ELMO1: variants seen among roughly 807,000 people sequenced by gnomAD.
ELMO1 encodes the protein engulfment and cell motility protein 1.
In ELMO1, 26 loss-of-function variants were observed where a neutral mutation model predicts 98.9. The ratio of observed to expected loss-of-function variants is 0.26; its 90% CI spans 0.19 to 0.36. The LOEUF is 0.36. Among genes scored for constraint, ELMO1 ranks in the 10% least tolerant of loss-of-function variants. The probability of loss-of-function intolerance (pLI) is 1.00; values close to 1 mark genes in which losing one functional copy is unlikely to be tolerated. For synonymous variants in ELMO1, 346 were observed against 346.0 expected, an observed-to-expected ratio of 1.00 and a Z score of 0.00; for missense variants, 627 against 935.2, an observed-to-expected ratio of 0.67 and a Z score of 4.30.
In ELMO1 at chr7:37,013,503, G is replaced by C. The variant is rs972379748; in HGVS notation, c.1301-68C>G. 2.6e-6 allele frequency: 4 copies of C among 1,561,498 alleles called. No individual in the cohort carries two copies. The South Asian group carries it at 4.6e-5, about 18-fold the overall frequency. On this transcript the variant is annotated intron_variant, in intron 15 of 21. Transcript: ENST00000310758. Reference sequence around the variant, plus strand: ...AGTGAAACACGAGAACATAACCACAGGTATGTGCCCCAAAGGGAGACAAGC... The same window carrying C: ...AGTGAAACACGAGAACATAACCACACGTATGTGCCCCAAAGGGAGACAAGC...
chr7:37,007,385 C>T (rs893246693), intron 16 of ELMO1, among the ~76,000 whole-genome samples: 6 of 152,202 alleles, frequency 3.9e-5, no homozygotes, highest in Admixed American at 1.3e-4. Flanking sequence ...AGATAAACAA[C>T]GCTGAGTCCT....
rs931534976 is a variant in ELMO1 at position 37,302,735 on chromosome 7, G to C, written c.192+12115C>G. The stretch of plus-strand genomic sequence containing the variant: ...TGGCCTGGAGAAACAGTGAGTATAA[G>C]TAATCATCTCTACTGATAATGAATT... On this transcript the variant is annotated intron_variant, in intron 4 of 21. Transcript: ENST00000310758. Among the ~76,000 whole-genome samples, 8 of 152,156 alleles carry C rather than the reference G, an allele frequency of 5.3e-5. No homozygotes were observed. The South Asian group carries it at 6.2e-4, about 12-fold the overall frequency.
chr7:37,002,999 AGGT>A (rs1792789613), intron 16 of ELMO1, among the ~76,000 whole-genome samples: 1 of 152,210 alleles, frequency 6.6e-6, no homozygotes, highest in Admixed American at 6.5e-5. Flanking sequence ...TTCCTGAGGA[AGGT>A]GGTGGTCCGA....
chr7:37,287,627 A>C (rs2723960), intron 4 of ELMO1, among the ~76,000 whole-genome samples: 53,367 of 152,106 alleles, frequency 0.35, 10,517 homozygotes, highest in Middle Eastern at 0.54. Flanking sequence ...TGATTCAAGC[A>C]ATGAAAAGTT....
intron 1 of ELMO1, among the ~76,000 whole-genome samples, chr7:37,347,370 A>C (rs10262543): frequency 0.93 from 142,060 of 152,184 alleles, 66,360 homozygotes; most frequent in Non-Finnish European, 0.96. Flanking sequence ...CTGGCAGCAT[A>C]CCTGGCCTCC....
At position 37,011,538 on chromosome 7, in the gene ELMO1, A is replaced by C. The variant is rs114345268; in HGVS notation, c.1437+1761T>G. 1.1e-3 allele frequency among the ~76,000 whole-genome samples: 162 copies of C among 152,364 alleles called. 1 individual carries two copies. The highest frequency in any genetic ancestry group is 3.8e-3 in the African/African-American group (159 of 41,592). ...CTAGATCAACAACAATAATATCTGA[A>C]ACATTATTATTTGCAGATATTATTC... On this transcript the variant is annotated intron_variant, in intron 16 of 21. Transcript: ENST00000310758.
intron 15 of ELMO1, among the ~76,000 whole-genome samples, chr7:37,056,496 C>T (rs1288215968): frequency 6.6e-6 from 1 of 152,168 alleles, no homozygotes; most frequent in Non-Finnish European, 1.5e-5. Context: ...GATATCCCTA[C>T]CACAAACTGA....
chr7:37,176,490 A>G (rs906096911), intron 13 of ELMO1, among the ~76,000 whole-genome samples: 1 of 152,232 alleles, frequency 6.6e-6, no homozygotes, highest in African/African-American at 2.4e-5. Context: ...TGTACAATAT[A>G]ATATTGCTTA....
chr7:37,272,915 T>C (rs1226942622), intron 4 of ELMO1, among the ~76,000 whole-genome samples: 1 of 152,162 alleles, frequency 6.6e-6, no homozygotes, highest in Non-Finnish European at 1.5e-5. Context: ...GTGTTTTCTT[T>C]TGGGGTGATG....
At chr7:37,369,234 G>GA (rs1802019217) in intron 1 of ELMO1, among the ~76,000 whole-genome samples, 1 of 152,142 alleles carries the variant, frequency 6.6e-6, no homozygotes, top group Non-Finnish European at 1.5e-5. Flanking sequence ...TGGAAGGGAT[G>GA]AAAATCCCTC....
chr7:37,432,443 A>C (rs1221214713), intron 1 of ELMO1, among the ~76,000 whole-genome samples: 1 of 152,192 alleles, frequency 6.6e-6, no homozygotes, highest in African/African-American at 2.4e-5. Context: ...AGAACACTTA[A>C]GTTGGGGTTT....
Position 37,222,607 on chromosome 7 carries a change from C to A in ELMO1, c.780+8G>T. ...ACATAGCCATAAGACTAAAGAAATG[C>A]AACTTACCTGCCTCCTCTCATCAGG... On this transcript the variant is annotated splice_region_variant and intron_variant, in intron 10 of 21. Transcript: ENST00000310758. 1 of 1,613,656 alleles carries A rather than the reference C, an allele frequency of 6.2e-7. No homozygotes were observed. The highest frequency in any genetic ancestry group is 8.5e-7 in the Non-Finnish European group (1 of 1,179,654).
At chr7:37,175,254 T>A (rs949189745) in intron 13 of ELMO1, among the ~76,000 whole-genome samples, 4 of 152,230 alleles carry the variant, frequency 2.6e-5, no homozygotes, top group African/African-American at 9.6e-5. Context: ...AAATTTTGAA[T>A]ACGGGCTTCA....
chr7:36,973,031 T>C (rs1027697972), intron 16 of ELMO1, among the ~76,000 whole-genome samples: 1 of 152,210 alleles, frequency 6.6e-6, no homozygotes, highest in African/African-American at 2.4e-5. Flanking sequence ...TCTACCTACC[T>C]CGGCCTCCCA....
At position 37,259,370 on chromosome 7, in the gene ELMO1, G is replaced by A. The variant is rs751107889; in HGVS notation, c.244-20C>T. The A allele has an allele frequency of 3.7e-6, 6 of 1,608,962 alleles. No individual in the cohort carries two copies. The South Asian group carries it at 6.6e-5, about 18-fold the overall frequency. The stretch of plus-strand genomic sequence containing the variant: ...CTGAGCCTTATGGGGCAAAAGCAAA[G>A]GGAAGAGTGTTGACAAACGAAACCA... On this transcript the variant is annotated intron_variant, in intron 5 of 21. Coordinates refer to ENST00000310758, the MANE Select transcript of ELMO1 (RefSeq NM_014800.11).
intron 11 of ELMO1, among the ~76,000 whole-genome samples, chr7:37,214,966 A>G (rs1040055754): frequency 6.6e-6 from 1 of 152,196 alleles, no homozygotes; most frequent in Non-Finnish European, 1.5e-5. Flanking sequence ...TCAAGGTAAT[A>G]TGAAGACACT....
At chr7:36,940,146 A>G (rs1320752544) in intron 16 of ELMO1, among the ~76,000 whole-genome samples, 5 of 152,226 alleles carry the variant, frequency 3.3e-5, no homozygotes, top group African/African-American at 1.2e-4. Flanking sequence ...ACCATCTCCT[A>G]GTTCTGAGGC....
At chr7:37,348,562 T>A (rs1801116397) in intron 1 of ELMO1, among the ~76,000 whole-genome samples, 1 of 152,178 alleles carries the variant, frequency 6.6e-6, no homozygotes, top group African/African-American at 2.4e-5. Flanking sequence ...TAAAGAGGAA[T>A]CACTTCTTCT....
chr7:37,058,853 T>C (rs889843294), intron 15 of ELMO1, among the ~76,000 whole-genome samples: 2 of 152,202 alleles, frequency 1.3e-5, no homozygotes, highest in Admixed American at 1.3e-4. Context: ...CAGTGTGATA[T>C]CATCCATACC....
Sources: allele counts gnomAD v4.1 joint callset (sites outside exome capture counted in the v4.1 genomes callset), GRCh38; gene constraint gnomAD v4.1.1; transcripts MANE v1.5; gene names NCBI Gene and HGNC (gene_info 2026-07-23, HGNC 2026-07-21).